The following EZR variants were observed in gnomAD, a reference collection of about 807,000 sequenced individuals.
EZR encodes the protein cytovillin 2.
A neutral mutation model predicts 74.8 loss-of-function variants in EZR; 40 were observed. That is an observed-to-expected ratio of 0.53 (90% CI 0.42 to 0.70). EZR has a LOEUF of 0.70. Ranked by LOEUF, EZR falls within the 30% of genes least tolerant of loss-of-function variation. The pLI, the probability that EZR is intolerant of heterozygous loss-of-function variation, is 0.00. For synonymous variants in EZR, 341 were observed against 283.3 expected (o/e 1.20, Z -2.05); for missense variants, 678 against 755.8 (o/e 0.90, Z 1.21).
At position 158,769,271 on chromosome 6, in the gene EZR, G is replaced by T. The variant is rs1481089947; in HGVS notation, c.1344+55C>A. ...CACCTGCAGAAGGGCCCCACCGCAG[G>T]CAATTGGGCAACAGGTGCTGTGGCC... is the stretch of plus-strand genomic sequence containing the variant. On this transcript the variant is annotated intron_variant, in intron 12 of 13. Coordinates refer to ENST00000367075, the MANE Select transcript of EZR (RefSeq NM_001111077.2). 9 of 1,520,170 alleles carry T rather than the reference G, an allele frequency of 5.9e-6. No homozygotes were observed. In the East Asian group the frequency reaches 1.6e-4, roughly 27 times the overall value. 94.2% of individuals were successfully genotyped at this position (1,520,170 alleles called of 1,614,324 possible).
rs113133023 is a variant in EZR, at chr6:158,783,789, C to T, written c.552-123G>A. ...AGGATGGGCTCAATGCTGTGTGCTG[C>T]GTGCAGGCAGGCAGGGGCCGGGCAG... On this transcript the variant is annotated intron_variant, in intron 6 of 13. Transcript: ENST00000367075. 6.8e-5 allele frequency: 74 copies of T among 1,088,056 alleles called. No homozygotes were observed. In the Admixed American group the frequency reaches 1.5e-3, roughly 22 times the overall value. 67.4% of individuals were successfully genotyped at this position (1,088,056 alleles called of 1,614,324 possible). A position where few individuals can be genotyped will look rare whatever the true frequency, so the allele number is the denominator to read the frequency against.
chr6:158,773,251 TCTCC>T (rs1185969542), intron 8 of EZR, among the ~76,000 whole-genome samples: 2 of 152,060 alleles, frequency 1.3e-5, no homozygotes, highest in Admixed American at 1.3e-4. Flanking sequence ...TGTCTCCCTC[TCTCC>T]CTTTCCCTGC....
At chr6:158,819,116 G>C (rs1204145547) in intron 1 of EZR, among the ~76,000 whole-genome samples, 1 of 151,706 alleles carries the variant, frequency 6.6e-6, no homozygotes, top group Non-Finnish European at 1.5e-5. Flanking sequence ...GACCTGAGGG[G>C]ACCCGGCGCC....
intron 12 of EZR, 128 bp from the exon 13 acceptor site, chr6:158,767,640 T>A (rs1449492019): frequency 2.0e-6 from 2 of 984,148 alleles, no homozygotes; most frequent in East Asian, 5.3e-5. Flanking sequence ...GGGCTGTGGC[T>A]TCGAAGAGGA....
chr6:158,783,678 G>C lies in EZR; in HGVS notation c.552-12C>G. On this transcript the variant is annotated splice_polypyrimidine_tract_variant and intron_variant, in intron 6 of 13. Transcript: ENST00000367075. The stretch of plus-strand genomic sequence containing the variant: ...ACATAGCATTATCTCTAATTGGGGA[G>C]AGTGAAACAGGCAGAGTCACTGGTA... 6.2e-7 allele frequency: 1 copy of C among 1,612,370 alleles called. No individual in the cohort carries two copies. Among genetic ancestry groups the C allele is most frequent in the Non-Finnish European group, 8.5e-7 (1 of 1,179,112 alleles).
chr6:158,784,808 C>G, intron 5 of EZR, 81 bp from the exon 6 acceptor site: 1 of 1,117,682 alleles, frequency 8.9e-7, no homozygotes. Context: ...CACCCACATT[C>G]AAACCCTTAC....
intron 1 of EZR, among the ~76,000 whole-genome samples, chr6:158,818,682 C>CTCGGGGT (rs1777621439): frequency 6.6e-6 from 1 of 151,292 alleles, no homozygotes; most frequent in Non-Finnish European, 1.5e-5. Flanking sequence ...GGGGCGCGGG[C>CTCGGGGT]CCAGGGATAC....
At chr6:158,771,008 A>G in intron 9 of EZR, 114 bp from the exon 10 acceptor site, 1 of 1,507,594 alleles carries the variant, frequency 6.6e-7, no homozygotes, top group South Asian at 1.2e-5. Context: ...CCTGAGGGCC[A>G]CCCTAGCCTG....
intron 12 of EZR, among the ~76,000 whole-genome samples, chr6:158,768,274 C>T (rs1790975091): frequency 2.0e-5 from 3 of 152,070 alleles, no homozygotes; most frequent in Non-Finnish European, 4.4e-5. Flanking sequence ...GCCTGCTTCC[C>T]CTTCGCCTTC....
chr6:158,807,642 A>G (rs1777371960), intron 2 of EZR, among the ~76,000 whole-genome samples: 1 of 152,184 alleles, frequency 6.6e-6, no homozygotes, highest in Non-Finnish European at 1.5e-5. Flanking sequence ...TAACGCTTCA[A>G]AGAGTCAGTA....
chr6:158,796,083 G>A (rs1368513820), intron 2 of EZR, among the ~76,000 whole-genome samples: 2 of 152,180 alleles, frequency 1.3e-5, no homozygotes, highest in Non-Finnish European at 2.9e-5. Context: ...CTCCTTAGGG[G>A]ACACATGCCA....
rs537540439 is a variant in EZR at position 158,795,012 on chromosome 6, G to A, written c.13-5641C>T. On this transcript the variant is annotated intron_variant, in intron 2 of 13. Coordinates refer to ENST00000367075, the MANE Select transcript of EZR (RefSeq NM_001111077.2). ...ACACCTGTAATCACAGCACTCTGGG[G>A]GGCCAAGGCAGGCAGATCACTTGAT... is the stretch of plus-strand genomic sequence containing the variant. 3.1e-4 allele frequency among the ~76,000 whole-genome samples: 47 copies of A among 152,196 alleles called. 1 individual carries two copies. In the South Asian group the frequency reaches 9.8e-3, roughly 32 times the overall value.
At chr6:158,819,268 AC>A (rs1173204920) in intron 1 of EZR, 48 bp downstream of exon 1, 4 of 152,534 alleles carry the variant, frequency 2.6e-5, no homozygotes, top group South Asian at 1.8e-4. Flanking sequence ...TCCACCAGGA[AC>A]CCCCCGCCCA....
intron 2 of EZR, among the ~76,000 whole-genome samples, chr6:158,794,327 C>G (rs534495420): frequency 7.9e-5 from 12 of 152,298 alleles, no homozygotes; most frequent in Admixed American, 2.0e-4. Flanking sequence ...ACCAGCACCA[C>G]CACCACCAGG....
chr6:158,797,711 G>A (rs1777103257), intron 2 of EZR, among the ~76,000 whole-genome samples: 1 of 152,166 alleles, frequency 6.6e-6, no homozygotes, highest in Admixed American at 6.5e-5. Context: ...TACAACCAAT[G>A]ATAAATGAAT....
chr6:158,793,456 T>C (rs1209632653), intron 2 of EZR, among the ~76,000 whole-genome samples: 1 of 152,074 alleles, frequency 6.6e-6, no homozygotes, highest in South Asian at 2.1e-4. Context: ...TATCTTTACA[T>C]AGAGATTGAA....
Position 158,787,221 on chromosome 6 carries a change from A to G in EZR, c.97-18T>C, listed in dbSNP as rs751069498. 4 of 1,588,994 alleles carry G rather than the reference A, an allele frequency of 2.5e-6. No individual in the cohort carries two copies. Among genetic ancestry groups the G allele is most frequent in the East Asian group, 2.2e-5 (1 of 44,516 alleles). On this transcript the variant is annotated intron_variant, in intron 3 of 13. Transcript: ENST00000367075. ...TTTACCACCTGCGTGAGAGAGAGAGAGGCTCAACACTCATGAGAAACTCAC... is the reference window on the plus strand; with the variant it reads ...TTTACCACCTGCGTGAGAGAGAGAGGGGCTCAACACTCATGAGAAACTCAC...
intron 2 of EZR, among the ~76,000 whole-genome samples, chr6:158,791,275 G>A (rs1424810123): frequency 2.6e-5 from 4 of 152,150 alleles, no homozygotes; most frequent in Admixed American, 6.5e-5. Context: ...TTACTAGGAG[G>A]CAACGAGACA....
intron 2 of EZR, among the ~76,000 whole-genome samples, chr6:158,803,530 TATATATATATA>T (rs1777236593): frequency 1.5e-5 from 1 of 68,194 alleles, no homozygotes; most frequent in Non-Finnish European, 2.4e-5. Flanking sequence ...TGTAACATTA[TATATATATATA>T]TATGTATATA....
Sources: allele counts gnomAD v4.1 joint callset (sites outside exome capture counted in the v4.1 genomes callset), GRCh38; gene constraint gnomAD v4.1.1; transcripts MANE v1.5; gene names NCBI Gene and HGNC (gene_info 2026-07-23, HGNC 2026-07-21).